ANK3: variants seen among roughly 807,000 people sequenced by gnomAD.
The protein encoded by ANK3 is ankyrin-3.
A neutral mutation model predicts 370.9 loss-of-function variants in ANK3; 57 were observed. The observed-to-expected ratio is 0.15, with a 90% CI of 0.12 to 0.19. The LOEUF (loss-of-function observed/expected upper bound fraction) is 0.19, where lower values mean the gene tolerates loss of function less well. Among genes scored for constraint, ANK3 ranks in the 10% least tolerant of loss-of-function variants. The pLI, the probability that ANK3 is intolerant of heterozygous loss-of-function variation, is 1.00. For missense variants in ANK3, 4,439 were observed against 5,302.1 expected, an observed-to-expected ratio of 0.84 and a Z score of 5.06; for synonymous variants, 1,929 against 1,946.3, an observed-to-expected ratio of 0.99 and a Z score of 0.23.
chr10:60,663,576 T>G (rs865976052), intron 1 of ANK3, among the ~76,000 whole-genome samples: 6 of 152,218 alleles, frequency 3.9e-5, no homozygotes, highest in Admixed American at 6.5e-5. Flanking sequence ...TTCCTGTGAC[T>G]TCAGTCACAG....
At chr10:60,119,556 C>A (rs1465423725) in intron 25 of ANK3, among the ~76,000 whole-genome samples, 1 of 152,072 alleles carries the variant, frequency 6.6e-6, no homozygotes, top group Non-Finnish European at 1.5e-5. Context: ...CACTTCAGGT[C>A]AGGAGTTCAA....
intron 2 of ANK3, among the ~76,000 whole-genome samples, chr10:60,606,994 GC>G (rs2078137298): frequency 6.6e-6 from 1 of 152,154 alleles, no homozygotes; most frequent in African/African-American, 2.4e-5. Context: ...CTTATCTCAT[GC>G]AGAGGTATCA....
intron 23 of ANK3, among the ~76,000 whole-genome samples, chr10:60,143,133 T>C (rs1311271743): frequency 2.0e-5 from 3 of 152,230 alleles, no homozygotes; most frequent in Non-Finnish European, 4.4e-5. Context: ...CTACTATTTA[T>C]ACTGGTAAAG....
rs1350163832 is a variant in ANK3 at position 60,073,312 on chromosome 10, A to C, written c.7569T>G (p.Ser2523=). 6.2e-7 allele frequency: 1 copy of C among 1,614,060 alleles called. No homozygotes were observed. Among genetic ancestry groups the C allele is most frequent in the Non-Finnish European group, 8.5e-7 (1 of 1,180,016 alleles). Residue 2523 remains serine, a synonymous_variant, in exon 37 of 44, where the codon TCT becomes TCG. Transcript: ENST00000280772. Reference sequence around the variant, plus strand: ...TAGACACTTTACCTACACCATTTTCAGAAACATCTTTATAGATTTTGGAGA... The same window carrying C: ...TAGACACTTTACCTACACCATTTTCCGAAACATCTTTATAGATTTTGGAGA... ...EILSKIYKDV[S]ENGVGKVSKD...
At chr10:60,611,020 A>G (rs2078194006) in intron 2 of ANK3, among the ~76,000 whole-genome samples, 1 of 152,214 alleles carries the variant, frequency 6.6e-6, no homozygotes, top group Non-Finnish European at 1.5e-5. Context: ...TCAGTTAACT[A>G]AAGTGATCAT....
At chr10:60,335,899 T>C (rs956701472) in intron 1 of ANK3, among the ~76,000 whole-genome samples, 4 of 152,254 alleles carry the variant, frequency 2.6e-5, no homozygotes, top group East Asian at 1.9e-4. Flanking sequence ...CAGCTACCTC[T>C]AGGTGGCAGA....
rs533370602 is a variant in ANK3 at position 60,676,074 on chromosome 10, C to T, written c.57+57189G>A. On this transcript the variant is annotated intron_variant, in intron 1 of 43. Coordinates refer to the ANK3 transcript ENST00000373827. The stretch of plus-strand genomic sequence containing the variant: ...CCTCATCTGGACATTGGAAATTATA[C>T]AAATTATGACTACCTCAAAAAGGCT... 2.6e-5 allele frequency among the ~76,000 whole-genome samples: 4 copies of T among 152,170 alleles called. No individual in the cohort carries two copies. In the South Asian group the frequency reaches 8.3e-4, roughly 32 times the overall value.
chr10:60,643,085 TA>T (rs2078658457), intron 1 of ANK3, among the ~76,000 whole-genome samples: 3 of 152,200 alleles, frequency 2.0e-5, no homozygotes, highest in Admixed American at 2.0e-4. Context: ...ATCTTATTTT[TA>T]ATCTGTCAGC....
chr10:60,065,426 T>C (rs2081446330), intron 38 of ANK3, among the ~76,000 whole-genome samples: 1 of 152,126 alleles, frequency 6.6e-6, no homozygotes, highest in Non-Finnish European at 1.5e-5. Flanking sequence ...GGAAAAGGAA[T>C]TGGTCAAGAC....
intron 2 of ANK3, among the ~76,000 whole-genome samples, chr10:60,571,001 G>A (rs17818833): frequency 0.082 from 12,461 of 151,608 alleles, 721 homozygotes; most frequent in South Asian, 0.2. Context: ...AATCATGGTG[G>A]AGCCTGTCAA....
Position 60,072,685 on chromosome 10 carries a change from G to A in ANK3, c.8196C>T (p.Asp2732=), listed in dbSNP as rs775462285. The part of the protein sequence containing the change: ...FEQGTHAKSK[D]MSQEDRKSDG... ...CTGACTTTCTGTCTTCTTGAGACAT[G>A]TCCTTACTTTTTGCGTGTGTGCCTT... The change falls in exon 37 of 44, where the codon GAC becomes GAT. Residue 2732 remains aspartate (D), a synonymous_variant. Transcript: ENST00000280772. 3.1e-6 allele frequency: 5 copies of A among 1,613,898 alleles called. No homozygotes were observed. In the East Asian group the frequency reaches 8.9e-5, roughly 29 times the overall value.
chr10:60,208,336 C>T, intron 9 of ANK3, 103 bp from the exon 10 acceptor site: 2 of 961,082 alleles, frequency 2.1e-6, no homozygotes, highest in South Asian at 3.1e-5. Context: ...CAGTTCTTCA[C>T]ATGAAAATAC....
At chr10:60,218,194 T>C (rs111945620) in intron 8 of ANK3, among the ~76,000 whole-genome samples, 6,535 of 151,548 alleles carry the variant, frequency 0.043, 451 homozygotes, top group African/African-American at 0.15. Context: ...TGAGATGGGC[T>C]TCCTGAATAG....
chr10:60,424,981 C>T (rs140567070), intron 2 of ANK3, among the ~76,000 whole-genome samples: 34 of 151,908 alleles, frequency 2.2e-4, no homozygotes, highest in Middle Eastern at 3.4e-3. Flanking sequence ...GAAATGAGTA[C>T]GGTTCAGGGC....
At chr10:60,467,523 A>C (rs1469151053) in intron 2 of ANK3, among the ~76,000 whole-genome samples, 1 of 152,210 alleles carries the variant, frequency 6.6e-6, no homozygotes, top group East Asian at 1.9e-4. Context: ...TACGTTTATG[A>C]TATTTAAATA....
intron 1 of ANK3, among the ~76,000 whole-genome samples, chr10:60,693,596 AC>A (rs921394908): frequency 6.6e-6 from 1 of 152,050 alleles, no homozygotes; most frequent in Non-Finnish European, 1.5e-5. Flanking sequence ...CTGACCCCTG[AC>A]CCCCAAGCAG....
At chr10:60,690,249 C>G (rs976139859) in intron 1 of ANK3, among the ~76,000 whole-genome samples, 1 of 152,112 alleles carries the variant, frequency 6.6e-6, no homozygotes, top group African/African-American at 2.4e-5. Flanking sequence ...GTGGGTGCAG[C>G]CCAAGGAGGG....
At chr10:60,249,786 G>C (rs1230664404) in intron 7 of ANK3, among the ~76,000 whole-genome samples, 11 of 152,094 alleles carry the variant, frequency 7.2e-5, no homozygotes, top group Non-Finnish European at 1.0e-4. Flanking sequence ...CATCCTCAAC[G>C]AGAATGAGGC....
At chr10:60,106,080 A>G in intron 27 of ANK3, 21 bp from the exon 28 acceptor site, 2 of 1,585,806 alleles carry the variant, frequency 1.3e-6, no homozygotes, top group South Asian at 2.4e-5. Flanking sequence ...AATCCACATT[A>G]TTTTGGTATC....
Sources: gnomAD v4.1 joint callset for allele counts (sites outside exome capture counted in the v4.1 genomes callset) on GRCh38, gnomAD v4.1.1 for gene constraint, MANE v1.5 for transcripts, NCBI Gene and HGNC (gene_info 2026-07-23, HGNC 2026-07-21) for gene names.